EYS: variants seen among roughly 807,000 people sequenced by gnomAD.
The protein encoded by EYS is protein eyes shut homolog.
A neutral mutation model predicts 282.1 loss-of-function variants in EYS; 250 were observed. The observed-to-expected ratio is 0.89, with a 90% CI of 0.80 to 0.98. The LOEUF (loss-of-function observed/expected upper bound fraction) is 0.98. EYS is among the 50% of genes least tolerant of loss of function. The pLI is 0.00. For synonymous variants in EYS, 1,355 were observed against 1,282.9 expected, an observed-to-expected ratio of 1.06 and a Z score of -1.20; for missense variants, 4,016 against 3,709.0, an observed-to-expected ratio of 1.08 and a Z score of -2.15.
At chr6:65,125,995 C>T (rs765984287) in intron 12 of EYS, among the ~76,000 whole-genome samples, 14 of 151,982 alleles carry the variant, frequency 9.2e-5, no homozygotes, top group Admixed American at 5.3e-4. Flanking sequence ...TTATAATTTA[C>T]GTATGCATAT....
chr6:65,607,324 ACT>A (rs1174864321), intron 2 of EYS, among the ~76,000 whole-genome samples: 1 of 151,754 alleles, frequency 6.6e-6, no homozygotes, highest in Non-Finnish European at 1.5e-5. Context: ...AAAAAAAAAT[ACT>A]GTCACATCTG....
chr6:63,789,279 G>A (rs560672641), intron 37 of EYS, 55 bp from the exon 38 acceptor site: 30 of 1,502,406 alleles, frequency 2.0e-5, no homozygotes, highest in East Asian at 1.7e-4. Flanking sequence ...CAGGAGTTCC[G>A]TCAGCTTTAT....
chr6:63,763,223 T>C (rs549299096), intron 40 of EYS, among the ~76,000 whole-genome samples: 1 of 152,120 alleles, frequency 6.6e-6, no homozygotes, highest in South Asian at 2.1e-4. Flanking sequence ...CAGTAAGTGG[T>C]TTCTGGCTAG....
chr6:64,907,539 GA>G (rs1767868266), intron 16 of EYS, among the ~76,000 whole-genome samples: 2 of 152,132 alleles, frequency 1.3e-5, no homozygotes, highest in South Asian at 4.1e-4. Context: ...AGCTGAGAGG[GA>G]TACCAGACAG....
chr6:65,569,581 C>G (rs1764407903), intron 2 of EYS, among the ~76,000 whole-genome samples: 1 of 152,126 alleles, frequency 6.6e-6, no homozygotes, highest in African/African-American at 2.4e-5. Context: ...ACACCACTCT[C>G]CTAAAACCTA....
chr6:64,278,148 T>G (rs1362080655), intron 30 of EYS, among the ~76,000 whole-genome samples: 3 of 152,124 alleles, frequency 2.0e-5, no homozygotes, highest in Non-Finnish European at 4.4e-5. Flanking sequence ...GATAGTAAAT[T>G]CCACTATCTC....
intron 30 of EYS, among the ~76,000 whole-genome samples, chr6:64,293,452 C>A (rs970881520): frequency 6.6e-6 from 1 of 151,992 alleles, no homozygotes; most frequent in East Asian, 1.9e-4. Flanking sequence ...TGTATCATTT[C>A]CTTCTATTAA....
chr6:64,699,193 G>A (rs1242255065), intron 22 of EYS, among the ~76,000 whole-genome samples: 2 of 152,190 alleles, frequency 1.3e-5, no homozygotes, highest in African/African-American at 4.8e-5. Flanking sequence ...GGAGCTGGAG[G>A]CTTATTATAC....
chr6:65,450,731 C>T (rs928503419), intron 5 of EYS, among the ~76,000 whole-genome samples: 8 of 152,096 alleles, frequency 5.3e-5, no homozygotes, highest in African/African-American at 7.2e-5. Context: ...CACTTACACT[C>T]CTAAGACCAG....
chr6:63,956,397 G>T (rs1335403693), intron 35 of EYS, among the ~76,000 whole-genome samples: 1 of 151,924 alleles, frequency 6.6e-6, no homozygotes, highest in Non-Finnish European at 1.5e-5. Context: ...CTGTAAAACG[G>T]CCCACCTCTA....
chr6:64,547,259 C>T (rs1165333403), intron 26 of EYS, among the ~76,000 whole-genome samples: 3 of 152,112 alleles, frequency 2.0e-5, no homozygotes, highest in African/African-American at 7.2e-5. Context: ...CTCTGGCAGA[C>T]TGCTTTTATT....
chr6:64,455,642 C>G (rs185668250), intron 26 of EYS, among the ~76,000 whole-genome samples: 4 of 152,146 alleles, frequency 2.6e-5, no homozygotes, highest in Admixed American at 2.6e-4. Context: ...GTGTGATATT[C>G]CCTTCCCTGT....
intron 36 of EYS, among the ~76,000 whole-genome samples, chr6:63,824,620 A>AT (rs1231350071): frequency 2.0e-5 from 3 of 152,180 alleles, no homozygotes; most frequent in African/African-American, 7.2e-5. Flanking sequence ...TCCCGAGCAC[A>AT]TACCTCCATT....
intron 31 of EYS, among the ~76,000 whole-genome samples, chr6:64,230,215 A>G (rs548782392): frequency 1.3e-5 from 2 of 152,322 alleles, no homozygotes; most frequent in African/African-American, 4.8e-5. Flanking sequence ...GAAGTATATA[A>G]GTGTGGCTAT....
intron 12 of EYS, among the ~76,000 whole-genome samples, chr6:65,086,310 C>T (rs1774371441): frequency 6.6e-6 from 1 of 151,402 alleles, no homozygotes; most frequent in African/African-American, 2.4e-5. Context: ...AGTGAGACTC[C>T]ATCTCAAAAA....
At chr6:64,855,763 A>C (rs573071704) in intron 19 of EYS, among the ~76,000 whole-genome samples, 4 of 152,170 alleles carry the variant, frequency 2.6e-5, no homozygotes, top group African/African-American at 9.6e-5. Context: ...TCAAAATCCC[A>C]TGTGCTTTAC....
chr6:65,597,566 C>A (rs1765453185), intron 2 of EYS, among the ~76,000 whole-genome samples: 1 of 152,070 alleles, frequency 6.6e-6, no homozygotes, highest in African/African-American at 2.4e-5. Context: ...TCAATTGTAG[C>A]CTTGCATCAA....
At chr6:64,967,708 A>G (rs529877390) in intron 14 of EYS, among the ~76,000 whole-genome samples, 2 of 152,300 alleles carry the variant, frequency 1.3e-5, no homozygotes, top group East Asian at 3.9e-4. Flanking sequence ...ACAAATCTGT[A>G]CTATAAAATT....
At chr6:64,668,434 A>G (rs1315485030) in intron 22 of EYS, among the ~76,000 whole-genome samples, 1 of 147,264 alleles carries the variant, frequency 6.8e-6, no homozygotes, top group African/African-American at 2.5e-5. Context: ...TGCTTATCAT[A>G]TTTGTTGCTT....
Sources: allele counts gnomAD v4.1 joint callset (sites outside exome capture counted in the v4.1 genomes callset), GRCh38; gene constraint gnomAD v4.1.1; transcripts MANE v1.5; gene names NCBI Gene and HGNC (gene_info 2026-07-23, HGNC 2026-07-21).